NELL2: variants seen among roughly 807,000 people sequenced by gnomAD.
NELL2 encodes protein kinase C-binding protein NELL2.
A neutral mutation model predicts 109.6 loss-of-function variants in NELL2; 41 were observed. That is an observed-to-expected ratio of 0.37 (90% CI 0.29 to 0.49). The LOEUF is 0.49. NELL2 is among the 20% of genes least tolerant of loss of function. The pLI is 0.98. For missense variants in NELL2, 900 were observed against 1,008.3 expected (o/e 0.89, Z 1.45); for synonymous variants, 355 against 344.7 (o/e 1.03, Z -0.33).
intron 15 of NELL2, among the ~76,000 whole-genome samples, chr12:44,585,620 C>T (rs938439452): frequency 2.0e-5 from 3 of 152,110 alleles, no homozygotes; most frequent in Non-Finnish European, 4.4e-5. Context: ...GAAAGACCTC[C>T]ATCTTGTAGT....
intron 19 of NELL2, among the ~76,000 whole-genome samples, chr12:44,514,053 C>A (rs1272111332): frequency 6.6e-6 from 1 of 150,772 alleles, no homozygotes; most frequent in Non-Finnish European, 1.5e-5. Context: ...AGAAATACTG[C>A]ATACAAGGGA....
intron 12 of NELL2, among the ~76,000 whole-genome samples, chr12:44,681,983 G>C (rs1203586066): frequency 1.3e-5 from 2 of 151,814 alleles, no homozygotes; most frequent in Non-Finnish European, 2.9e-5. Context: ...GATCCCTGAG[G>C]AATCGCCACA....
chr12:44,553,352 TGACCCTAA>T (rs996518531), intron 15 of NELL2, among the ~76,000 whole-genome samples: 1 of 152,146 alleles, frequency 6.6e-6, no homozygotes, highest in Non-Finnish European at 1.5e-5. Flanking sequence ...ATATAACCTT[TGACCCTAA>T]GAAAGTAGAT....
chr12:44,619,815 T>C (rs1006888494), intron 13 of NELL2, among the ~76,000 whole-genome samples: 4 of 152,168 alleles, frequency 2.6e-5, no homozygotes, highest in African/African-American at 9.7e-5. Context: ...TCACAAGATT[T>C]GAATCCCTTT....
intron 13 of NELL2, among the ~76,000 whole-genome samples, chr12:44,642,453 C>T (rs936466583): frequency 2.0e-5 from 3 of 151,950 alleles, no homozygotes; most frequent in Admixed American, 1.3e-4. Context: ...ATGGTGGATG[C>T]TAGGAGTAAG....
intron 9 of NELL2, among the ~76,000 whole-genome samples, chr12:44,752,498 G>A (rs1286037029): frequency 6.6e-6 from 1 of 152,162 alleles, no homozygotes; most frequent in African/African-American, 2.4e-5. Context: ...AAAAGTGACA[G>A]ACTGAACTCC....
At chr12:44,572,315 A>C (rs1167650038) in intron 15 of NELL2, among the ~76,000 whole-genome samples, 1 of 152,060 alleles carries the variant, frequency 6.6e-6, no homozygotes, top group Admixed American at 6.6e-5. Flanking sequence ...TTAATTAAAA[A>C]AAAATTTTTT....
At chr12:44,704,753 T>A (rs1456533494) in intron 11 of NELL2, among the ~76,000 whole-genome samples, 1 of 152,074 alleles carries the variant, frequency 6.6e-6, no homozygotes, top group Non-Finnish European at 1.5e-5. Context: ...GCATGGTGGC[T>A]CACACCTGTA....
rs192504429 is a variant in NELL2 at position 44,517,463 on chromosome 12, C to T, written c.2400+2542G>A. On this transcript the variant is annotated intron_variant, in intron 19 of 19. Coordinates refer to ENST00000429094, the MANE Select transcript of NELL2 (RefSeq NM_001145108.2). ...TGTGAAATGCCTTCCCCGAAGCAGA[C>T]CATGGTACTGTTTCCTATAGACCCT... Among the ~76,000 whole-genome samples the T allele has an allele frequency of 1.9e-3, 282 of 150,270 alleles. 4 individuals carry two copies. Among genetic ancestry groups the T allele is most frequent in the Middle Eastern group, 6.9e-3 (2 of 288 alleles).
At chr12:44,729,473 T>A (rs2136469787) in intron 9 of NELL2, among the ~76,000 whole-genome samples, 1 of 148,234 alleles carries the variant, frequency 6.7e-6, no homozygotes, top group South Asian at 2.1e-4. Flanking sequence ...CAGAAAACAA[T>A]AAAATGACAA....
intron 9 of NELL2, among the ~76,000 whole-genome samples, chr12:44,732,531 T>C (rs747120680): frequency 1.3e-5 from 2 of 151,972 alleles, no homozygotes; most frequent in Admixed American, 6.6e-5. Flanking sequence ...ACCTCTATCT[T>C]ACACCATGCA....
At chr12:44,867,047 C>T (rs1945020898) in intron 2 of NELL2, among the ~76,000 whole-genome samples, 1 of 152,104 alleles carries the variant, frequency 6.6e-6, no homozygotes, top group South Asian at 2.1e-4. Context: ...GGCTTCACTG[C>T]TAAACTCTAT....
chr12:44,917,121 G>T (rs1945834316), upstream of NELL2, among the ~76,000 whole-genome samples: 1 of 152,110 alleles, frequency 6.6e-6, no homozygotes, highest in African/African-American at 2.4e-5. Context: ...CTCCCCAAGT[G>T]ATTCTAATGT....
intron 1 of NELL2, among the ~76,000 whole-genome samples, chr12:44,892,350 T>C (rs1219159699): frequency 6.6e-6 from 1 of 152,188 alleles, no homozygotes; most frequent in East Asian, 1.9e-4. Context: ...ACCATGCTAC[T>C]AGCATCATGA....
intron 9 of NELL2, among the ~76,000 whole-genome samples, chr12:44,764,693 A>G (rs1302699099): frequency 6.6e-6 from 1 of 152,230 alleles, no homozygotes; most frequent in Non-Finnish European, 1.5e-5. Flanking sequence ...CTCAGGCAAC[A>G]GCAGTAACCT....
At chr12:44,628,812 C>T (rs4768069) in intron 13 of NELL2, among the ~76,000 whole-genome samples, 26,084 of 152,100 alleles carry the variant, frequency 0.17, 3,458 homozygotes, top group African/African-American at 0.37. Flanking sequence ...CAGGCCGTAT[C>T]AGGTGTGCCC....
intron 15 of NELL2, among the ~76,000 whole-genome samples, chr12:44,567,289 G>T (rs1377877460): frequency 6.6e-6 from 1 of 151,908 alleles, no homozygotes; most frequent in Non-Finnish European, 1.5e-5. Flanking sequence ...CTTTCTATTG[G>T]TTTTTAGATA....
intron 13 of NELL2, among the ~76,000 whole-genome samples, chr12:44,640,963 A>G (rs1027420958): frequency 6.6e-6 from 1 of 152,134 alleles, no homozygotes; most frequent in Non-Finnish European, 1.5e-5. Flanking sequence ...AGGGGAAAAA[A>G]CTGCTCCACA....
chr12:44,736,462 T>G (rs930594726), intron 9 of NELL2, among the ~76,000 whole-genome samples: 3 of 151,940 alleles, frequency 2.0e-5, no homozygotes, highest in African/African-American at 7.3e-5. Flanking sequence ...ACACTAACAG[T>G]AGACTAAATA....
Sources: allele counts gnomAD v4.1 joint callset (sites outside exome capture counted in the v4.1 genomes callset), GRCh38; gene constraint gnomAD v4.1.1; transcripts MANE v1.5; gene names NCBI Gene and HGNC (gene_info 2026-07-23, HGNC 2026-07-21).